Variants in OTOP1 observed in about 807,000 individuals in gnomAD.
The protein encoded by OTOP1 is proton channel OTOP1.
Under a neutral mutation model 52.9 loss-of-function variants are expected in OTOP1, and 59 were observed. The ratio of observed to expected loss-of-function variants is 1.12; its 90% confidence interval spans 0.91 to 1.39. The LOEUF is 1.39. Among genes scored for constraint, OTOP1 ranks in the 40% most tolerant of loss-of-function variants. OTOP1 has a pLI of 0.00. For synonymous variants in OTOP1, 317 were observed against 337.7 expected, an observed-to-expected ratio of 0.94 and a Z score of 0.67; for missense variants, 761 against 800.9, an observed-to-expected ratio of 0.95 and a Z score of 0.60.
chr4:4,194,617 G>A (rs1716580947), intron 5 of OTOP1, among the ~76,000 whole-genome samples: 1 of 152,204 alleles, frequency 6.6e-6, no homozygotes, highest in Non-Finnish European at 1.5e-5. Context: ...ATCAAAAGCT[G>A]CAGGCCCTGT....
intron 4 of OTOP1, among the ~76,000 whole-genome samples, chr4:4,201,238 C>T (rs1221221555): frequency 6.6e-6 from 1 of 152,036 alleles, no homozygotes; most frequent in Non-Finnish European, 1.5e-5. Context: ...ACCAGCTTGG[C>T]CAACATAGTG....
At chr4:4,198,280 G>A (rs1159826458) in intron 4 of OTOP1, among the ~76,000 whole-genome samples, 177 bp from the exon 5 acceptor site, 1 of 152,188 alleles carries the variant, frequency 6.6e-6, no homozygotes, top group Non-Finnish European at 1.5e-5. Flanking sequence ...TGATAGCCCT[G>A]AGTATCCCCA....
chr4:4,198,231 T>C (rs1716697627), intron 4 of OTOP1, 128 bp from the exon 5 acceptor site: 4 of 720,476 alleles, frequency 5.6e-6, no homozygotes, highest in African/African-American at 1.8e-5. Flanking sequence ...AGCTTTATCA[T>C]GTCATAGCTT....
chr4:4,225,462 A>G (rs746327169), intron 1 of OTOP1, among the ~76,000 whole-genome samples: 85 of 151,552 alleles, frequency 5.6e-4, no homozygotes, highest in Middle Eastern at 3.4e-3. Context: ...CCAGCTATTC[A>G]GGAGGCTGAA....
intron 3 of OTOP1, among the ~76,000 whole-genome samples, chr4:4,203,510 A>G (rs1462345284): frequency 6.6e-6 from 1 of 152,230 alleles, no homozygotes; most frequent in Non-Finnish European, 1.5e-5. Context: ...GCTCTTTGCC[A>G]TGCTGCCTCC....
intron 5 of OTOP1, among the ~76,000 whole-genome samples, chr4:4,191,454 GCT>G (rs1328791545): frequency 2.0e-5 from 3 of 152,112 alleles, no homozygotes; most frequent in Non-Finnish European, 2.9e-5. Context: ...GTGATAAAGC[GCT>G]CTGTTAGCTG....
intron 1 of OTOP1, among the ~76,000 whole-genome samples, chr4:4,224,325 C>T (rs112833544): frequency 1.4e-5 from 2 of 142,586 alleles, no homozygotes; most frequent in African/African-American, 5.3e-5. Flanking sequence ...CCAGCCTGGG[C>T]GACAGGGCAA....
chr4:4,207,595 GTA>G (rs10582588), intron 2 of OTOP1, among the ~76,000 whole-genome samples: 20,507 of 149,830 alleles, frequency 0.14, 1,582 homozygotes, highest in East Asian at 0.28. Flanking sequence ...CCACTTCTGG[GTA>G]TATATATATA....
At position 4,197,163 on chromosome 4, in the gene OTOP1, T is replaced by A. The variant is rs775213216; in HGVS notation, c.1668+3A>T. ...AGAATAAGAATAACTTGGTGCAGAT[T>A]ACCGAAATATTGCAGAGGAACAAGA... On this transcript the variant is annotated splice_donor_region_variant and intron_variant, in intron 5 of 5. Coordinates refer to ENST00000296358, the MANE Select transcript of OTOP1 (RefSeq NM_177998.3). The A allele has an allele frequency of 1.9e-6, 3 of 1,595,038 alleles. No homozygotes were observed. The highest frequency in any genetic ancestry group is 1.3e-5 in the African/African-American group (1 of 74,316).
At chr4:4,214,129 A>C (rs1200223413) in intron 1 of OTOP1, among the ~76,000 whole-genome samples, 1 of 152,188 alleles carries the variant, frequency 6.6e-6, no homozygotes. Context: ...AGCCAATTGA[A>C]AAATTGGCAA....
intron 2 of OTOP1, among the ~76,000 whole-genome samples, chr4:4,211,178 G>A (rs1717018222): frequency 6.6e-6 from 1 of 152,200 alleles, no homozygotes; most frequent in Non-Finnish European, 1.5e-5. Context: ...GTCATCCAGT[G>A]CTGTCTGCTA....
At position 4,197,575 on chromosome 4, in the gene OTOP1, C is replaced by T. The variant is rs151007916; in HGVS notation, c.1259G>A (p.Arg420His). ...GTAGGGCAGGTTGTACCAGGTGTAG[C>T]GGGGGTGGCCCTCAGCACAGAGGAT... is the stretch of plus-strand genomic sequence containing the variant. ...LAILCAEGHP[R>H]YTWYNLPYSI... The change falls in exon 5 of 6, where the codon CGC (arginine) becomes CAC (histidine). Residue 420 changes from arginine to histidine, a missense_variant. By Grantham distance (29) the Arg-to-His change is conservative. Around this residue, in one of 3 missense-constraint regions of OTOP1, gnomAD observed 632 missense variants for 619.5 expected, o/e 1.02. Transcript: ENST00000296358. 9.9e-6 allele frequency: 16 copies of T among 1,613,752 alleles called. No individual in the cohort carries two copies. The highest frequency in any genetic ancestry group is 6.7e-5 in the African/African-American group (5 of 74,784).
intron 3 of OTOP1, among the ~76,000 whole-genome samples, chr4:4,204,867 G>T (rs1716864990): frequency 6.6e-6 from 1 of 152,030 alleles, no homozygotes; most frequent in Non-Finnish European, 1.5e-5. Flanking sequence ...TGCCTCCCAG[G>T]TTCAAGGATT....
chr4:4,222,748 A>G (rs1717329566), intron 1 of OTOP1, among the ~76,000 whole-genome samples: 2 of 152,156 alleles, frequency 1.3e-5, no homozygotes, highest in African/African-American at 4.8e-5. Context: ...TGTCACGAAC[A>G]CCAGGGCAGA....
intron 2 of OTOP1, among the ~76,000 whole-genome samples, chr4:4,208,564 T>C (rs951606172): frequency 3.3e-5 from 5 of 152,114 alleles, no homozygotes; most frequent in African/African-American, 1.2e-4. Flanking sequence ...GTATGAGGCA[T>C]CTAGAATATT....
Position 4,197,241 on chromosome 4 carries a change from G to T in OTOP1, c.1593C>A (p.Pro531=), listed in dbSNP as rs1430907234. ...WGGSPSPVRL[P]RFLQGNAKRK... ...TCTTGGCGTTGCCCTGTAAGAAACGGGGAAGGCGGACTGGGCTTGGGCTCC... is the reference window on the plus strand; with the variant it reads ...TCTTGGCGTTGCCCTGTAAGAAACGTGGAAGGCGGACTGGGCTTGGGCTCC... The change falls in exon 5 of 6, where the codon CCC becomes CCA. Residue 531 remains proline (P), a synonymous_variant. Coordinates refer to ENST00000296358, the MANE Select transcript of OTOP1 (RefSeq NM_177998.3). 6.2e-7 allele frequency: 1 copy of T among 1,613,968 alleles called. No homozygotes were observed. Among genetic ancestry groups the T allele is most frequent in the Non-Finnish European group, 8.5e-7 (1 of 1,180,058 alleles).
chr4:4,200,853 C>T (rs538847581), intron 4 of OTOP1, among the ~76,000 whole-genome samples: 2 of 151,944 alleles, frequency 1.3e-5, no homozygotes, highest in African/African-American at 4.8e-5. Flanking sequence ...TCACTGCCCC[C>T]GATAATAATC....
intron 1 of OTOP1, among the ~76,000 whole-genome samples, chr4:4,220,174 C>T (rs1408557036): frequency 2.1e-5 from 3 of 144,332 alleles, no homozygotes; most frequent in Non-Finnish European, 4.5e-5. Context: ...GCAAGCTCTG[C>T]CCACTGTGAC....
At chr4:4,190,611 G>A (rs1386587333) in intron 5 of OTOP1, among the ~76,000 whole-genome samples, 1 of 152,104 alleles carries the variant, frequency 6.6e-6, no homozygotes, top group Non-Finnish European at 1.5e-5. Context: ...ATTGTATTAG[G>A]TATTCTAAGT....
Sources: allele counts gnomAD v4.1 joint callset (sites outside exome capture counted in the v4.1 genomes callset), GRCh38; gene constraint gnomAD v4.1.1; regional missense constraint gnomAD v4.1.1; transcripts MANE v1.5; gene names NCBI Gene and HGNC (gene_info 2026-07-23, HGNC 2026-07-21).